NCOR2: variants seen among roughly 807,000 people sequenced by gnomAD.
The protein encoded by NCOR2 is CTG repeat protein 26.
In NCOR2, 81 loss-of-function variants were observed where a neutral mutation model predicts 262.9. The observed-to-expected ratio is 0.31, with a 90% CI of 0.26 to 0.37. The LOEUF is 0.37. Among genes scored for constraint, NCOR2 ranks in the 10% least tolerant of loss-of-function variants. The probability of loss-of-function intolerance (pLI) is 1.00; values close to 1 mark genes in which losing one functional copy is unlikely to be tolerated. For synonymous variants in NCOR2, 1,659 were observed against 1,559.3 expected (o/e 1.06, Z -1.51); for missense variants, 3,385 against 3,621.4 (o/e 0.93, Z 1.68).
intron 1 of NCOR2, among the ~76,000 whole-genome samples, chr12:124,562,812 G>A (rs1185420958): frequency 6.6e-6 from 1 of 152,200 alleles, no homozygotes; most frequent in African/African-American, 2.4e-5. Context: ...GCAGCCTGTA[G>A]GTGAGGACCC....
At chr12:124,543,195 C>T (rs2051429623) in intron 1 of NCOR2, among the ~76,000 whole-genome samples, 1 of 152,148 alleles carries the variant, frequency 6.6e-6, no homozygotes, top group African/African-American at 2.4e-5. Context: ...GGGGATGGGC[C>T]GCAGCCCCGT....
Position 124,549,211 on chromosome 12 carries a change from A to T in NCOR2, c.-164-13600T>A, listed in dbSNP as rs1197010970. On this transcript the variant is annotated intron_variant, in intron 1 of 32. Transcript: ENST00000458234. The surrounding 1 kb of genome is among the most constrained non-coding windows in gnomAD (Gnocchi z 4.4). ...GCTGGGTCACGAGATCACCGAGAGG[A>T]TCAGATGAATTCACGTGGCATGTGC... is the stretch of plus-strand genomic sequence containing the variant. Among the ~76,000 whole-genome samples the T allele has an allele frequency of 6.6e-6, 1 of 151,550 alleles. No homozygotes were observed. The highest frequency in any genetic ancestry group is 2.4e-5 in the African/African-American group (1 of 41,196).
intron 25 of NCOR2, 59 bp from the exon 28 acceptor site, chr12:124,354,641 G>C (rs2037797570): frequency 9.1e-6 from 13 of 1,434,002 alleles, no homozygotes; most frequent in Non-Finnish European, 8.3e-6. Flanking sequence ...CGGGAGGCTT[G>C]TCCCCACCCA....
At chr12:124,430,880 G>A (rs2043871261) in intron 8 of NCOR2, 93 bp from the exon 11 acceptor site, 3 of 1,459,196 alleles carry the variant, frequency 2.1e-6, no homozygotes, top group African/African-American at 1.4e-5. Flanking sequence ...AGACACACAG[G>A]TGCGTGCGCA....
At chr12:124,506,904 G>A (rs2049073593) in intron 1 of NCOR2, among the ~76,000 whole-genome samples, 1 of 152,222 alleles carries the variant, frequency 6.6e-6, no homozygotes, top group Non-Finnish European at 1.5e-5. Context: ...TCAGGGAGCT[G>A]GGTGGCTGAG....
chr12:124,412,524 C>G (rs1357774430), intron 13 of NCOR2, among the ~76,000 whole-genome samples: 1 of 152,258 alleles, frequency 6.6e-6, no homozygotes, highest in African/African-American at 2.4e-5. Context: ...GGCGCGCTGA[C>G]AATAACTCAG....
chr12:124,381,022 C>T (rs1489152736), intron 17 of NCOR2, among the ~76,000 whole-genome samples: 1 of 152,156 alleles, frequency 6.6e-6, no homozygotes, highest in Non-Finnish European at 1.5e-5. Context: ...TATTAATTTA[C>T]TGGACCTGCA....
At position 124,432,623 on chromosome 12, in the gene NCOR2, G is replaced by C. The variant is rs2044031284; in HGVS notation, c.883-1836C>G. 6.6e-6 allele frequency among the ~76,000 whole-genome samples: 1 copy of C among 152,162 alleles called. No individual in the cohort carries two copies. Among genetic ancestry groups the C allele is most frequent in the African/African-American group, 2.4e-5 (1 of 41,422 alleles). On this transcript the variant is annotated intron_variant, in intron 8 of 46. Transcript: ENST00000405201. The surrounding 1 kb of genome is among the most constrained non-coding windows in gnomAD (Gnocchi z 5.1). ...CAGCCCTGGGGAGGGGCAGCCGCCA[G>C]AGAAAACCACATTCCAAGCAGTTCC...
At chr12:124,352,382 T>G (rs1232040013) in intron 27 of NCOR2, among the ~76,000 whole-genome samples, 1 of 151,950 alleles carries the variant, frequency 6.6e-6, no homozygotes, top group Non-Finnish European at 1.5e-5. Flanking sequence ...GCATCTGATT[T>G]TTTTTTTTTG....
chr12:124,496,244 A>C (rs1593826238), upstream of NCOR2, among the ~76,000 whole-genome samples: 8 of 143,006 alleles, frequency 5.6e-5, no homozygotes, highest in Admixed American at 6.9e-5. This position sits in a 1 kb window ranked among gnomAD's most constrained non-coding sequence, Gnocchi z 4.4. Context: ...CACCCCCAAC[A>C]AGGCTTCTCC....
At position 124,447,194 on chromosome 12, in the gene NCOR2, C is replaced by T. The variant is rs577900204; in HGVS notation, c.815+2621G>A. The stretch of plus-strand genomic sequence containing the variant: ...CCTTCCAAAGCGCGGGGATTACAGG[C>T]GTGAGCCACCGCGCCCAGCACATCT... On this transcript the variant is annotated intron_variant, in intron 7 of 46. Transcript: ENST00000405201. Among the ~76,000 whole-genome samples the T allele has an allele frequency of 1.1e-3, 171 of 152,358 alleles. 1 individual carries two copies. In the South Asian group the frequency reaches 0.017, roughly 15 times the overall value.
chr12:124,333,731 C>G (rs1049642802), intron 41 of NCOR2, among the ~76,000 whole-genome samples: 1 of 152,028 alleles, frequency 6.6e-6, no homozygotes, highest in South Asian at 2.1e-4. Flanking sequence ...TCTCTTTTGA[C>G]CCCCAGAGGC....
In NCOR2 at chr12:124,517,625, T is replaced by G. The variant is rs935054960; in HGVS notation, c.-118+17940A>C. ...AGCCTCGGGAGCGCCCACGATCACATGCCCTCCTGAAGTCAACTCCGGGAA... is the reference window on the plus strand; with the variant it reads ...AGCCTCGGGAGCGCCCACGATCACAGGCCCTCCTGAAGTCAACTCCGGGAA... On this transcript the variant is annotated intron_variant, in intron 1 of 46. Transcript: ENST00000404621. The surrounding 1 kb of genome is among the most constrained non-coding windows in gnomAD (Gnocchi z 7.6). Among the ~76,000 whole-genome samples, 1 of 152,142 alleles carries G rather than the reference T, an allele frequency of 6.6e-6. No individual in the cohort carries two copies. Among genetic ancestry groups the G allele is most frequent in the African/African-American group, 2.4e-5 (1 of 41,428 alleles).
intron 3 of NCOR2, among the ~76,000 whole-genome samples, chr12:124,476,689 T>TTG (rs1434597933): frequency 6.6e-6 from 1 of 152,162 alleles, no homozygotes; most frequent in Non-Finnish European, 1.5e-5. Flanking sequence ...ATAAAAGCCG[T>TTG]TGTCTTTAAT....
At chr12:124,348,236 T>C (rs772869612) in exon 29 of NCOR2, 4 of 1,613,190 alleles carry the variant, frequency 2.5e-6, no homozygotes, top group South Asian at 1.1e-5. Context: ...ATAGGTGCGC[T>C]TGGGGGCGGC....
chr12:124,536,658 GTGC>G (rs1286168619), upstream of NCOR2, among the ~76,000 whole-genome samples: 1 of 152,224 alleles, frequency 6.6e-6, no homozygotes, highest in African/African-American at 2.4e-5. Flanking sequence ...ACAACATCAA[GTGC>G]TGGTGAGAAC....
In NCOR2 at chr12:124,449,955, G is replaced by A. The variant is rs74725855; in HGVS notation, c.763-88C>T. 5.3e-3 allele frequency: 7,374 copies of A among 1,385,332 alleles called. 237 individuals carry two copies. The East Asian group carries it at 0.095, about 18-fold the overall frequency. The allele number at this position is 1,385,332 out of a possible 1,614,324, so 85.8% of individuals were successfully genotyped here. A position where few individuals can be genotyped will look rare whatever the true frequency, so the allele number is the denominator to read the frequency against. On this transcript the variant is annotated intron_variant, in intron 6 of 46. Transcript: ENST00000405201. ...CCGGTAGGAGCCACAGCCCTGGCAC[G>A]GAGGAGCTGTCCTCTGGGTGAGGGC... is the stretch of plus-strand genomic sequence containing the variant.
chr12:124,473,397 C>A (rs553170150), intron 3 of NCOR2, among the ~76,000 whole-genome samples: 1 of 152,322 alleles, frequency 6.6e-6, no homozygotes, highest in South Asian at 2.1e-4. Context: ...AAAGGCGAGA[C>A]TGGCCTAGCC....
chr12:124,400,241 C>A lies in NCOR2; in HGVS notation c.1813+260G>T, dbSNP rs145512612. On this transcript the variant is annotated intron_variant, in intron 15 of 46. Coordinates refer to ENST00000405201, the Ensembl canonical transcript of NCOR2. Reference sequence around the variant, plus strand: ...GTGCTTCTCACATAGCAAGTGACTACAACTGTCCCCCCACGTTAGAGGTAA... The same window carrying A: ...GTGCTTCTCACATAGCAAGTGACTAAAACTGTCCCCCCACGTTAGAGGTAA... 4.0e-3 allele frequency among the ~76,000 whole-genome samples: 616 copies of A among 152,288 alleles called. 4 individuals carry two copies. The highest frequency in any genetic ancestry group is 7.2e-3 in the Non-Finnish European group (492 of 68,028).
Sources: gnomAD v4.1 joint callset for allele counts (sites outside exome capture counted in the v4.1 genomes callset) on GRCh38, gnomAD v4.1.1 for gene constraint, Gnocchi (gnomAD v3.1) non-coding constraint, MANE v1.5 for transcripts, NCBI Gene and HGNC (gene_info 2026-07-23, HGNC 2026-07-21) for gene names.